HMCN2: variants seen among roughly 807,000 people sequenced by gnomAD.
HMCN2 encodes the protein hemicentin 2.
In HMCN2, 325 loss-of-function variants were observed where a neutral mutation model predicts 377.5. The observed-to-expected ratio is 0.86, with a 90% CI of 0.79 to 0.94. The LOEUF (loss-of-function observed/expected upper bound fraction) is 0.94. Among genes scored for constraint, HMCN2 ranks in the 40% least tolerant of loss-of-function variants. The pLI is 0.00. For missense variants in HMCN2, 4,543 were observed against 4,725.3 expected (o/e 0.96, Z 1.13); for synonymous variants, 2,007 against 2,046.8 (o/e 0.98, Z 0.53).
Position 130,394,293 on chromosome 9 carries a change from C to T in HMCN2, c.10502-92C>T, listed in dbSNP as rs1241978017. 1.2e-6 allele frequency: 1 copy of T among 835,370 alleles called. No homozygotes were observed. Among genetic ancestry groups the T allele is most frequent in the African/African-American group, 1.8e-5 (1 of 56,120 alleles). 51.7% of individuals were successfully genotyped at this position (835,370 alleles called of 1,614,324 possible). A position where few individuals can be genotyped will look rare whatever the true frequency, so the allele number is the denominator to read the frequency against. ...AACAAGGGCCACCAAAATGTGGGAG[C>T]AGAGCCCCTGGACTCAGCACAGTGT... On this transcript the variant is annotated intron_variant, in intron 68 of 97. Transcript: ENST00000683500. The surrounding 1 kb of genome is among the most constrained non-coding windows in gnomAD (Gnocchi z 5.1).
chr9:130,281,829 G>T (rs1835138479), intron 1 of HMCN2, among the ~76,000 whole-genome samples: 1 of 149,456 alleles, frequency 6.7e-6, no homozygotes. Flanking sequence ...GGCGGAGGCT[G>T]CAGTGAGCCG....
intron 1 of HMCN2, among the ~76,000 whole-genome samples, chr9:130,278,369 C>A (rs1264123299): frequency 1.3e-5 from 2 of 152,054 alleles, no homozygotes; most frequent in Non-Finnish European, 2.9e-5. Context: ...CGTGATCCGC[C>A]CGTCTCGGCC....
At chr9:130,350,308 G>A (rs1051212112) in intron 29 of HMCN2, among the ~76,000 whole-genome samples, 26 of 148,336 alleles carry the variant, frequency 1.8e-4, no homozygotes, top group African/African-American at 4.9e-4. Context: ...AGGCCAAGGC[G>A]GCCAGATCAC....
At chr9:130,267,052 C>T (rs1834144773) in intron 1 of HMCN2, among the ~76,000 whole-genome samples, 2 of 151,932 alleles carry the variant, frequency 1.3e-5, no homozygotes, top group South Asian at 2.1e-4. Flanking sequence ...CTCAGGTGAC[C>T]CTCCTGCTTC....
chr9:130,371,185 T>C, intron 46 of HMCN2, 54 bp downstream of exon 46: 1 of 953,030 alleles, frequency 1.0e-6, no homozygotes, highest in Non-Finnish European at 1.2e-6. Context: ...TCTCTGCCTC[T>C]GACTCTATCC....
At chr9:130,287,332 C>T (rs1191823974) in intron 4 of HMCN2, among the ~76,000 whole-genome samples, 1 of 152,108 alleles carries the variant, frequency 6.6e-6, no homozygotes, top group Admixed American at 6.5e-5. Flanking sequence ...CCTCCCCGCC[C>T]GGGGCCTTTG....
At chr9:130,287,319 G>A (rs1427577562) in intron 4 of HMCN2, among the ~76,000 whole-genome samples, 3 of 151,944 alleles carry the variant, frequency 2.0e-5, no homozygotes, top group South Asian at 2.1e-4. Context: ...AATGTCCTAC[G>A]CTCCTCCCCG....
rs184906189 is a variant in HMCN2, at chr9:130,371,761, A to T, written c.7238-533A>T. Among the ~76,000 whole-genome samples the T allele has an allele frequency of 5.3e-5, 8 of 152,312 alleles. No homozygotes were observed. In the East Asian group the frequency reaches 1.5e-3, roughly 29 times the overall value. On this transcript the variant is annotated intron_variant, in intron 46 of 97. Coordinates refer to ENST00000683500, the MANE Select transcript of HMCN2 (RefSeq NM_001291815.2). ...CTGTGGATAGGAATTCAGAGACTGC[A>T]TTGGGCCCAGTGGAAAGGAATGTGG...
intron 25 of HMCN2, among the ~76,000 whole-genome samples, chr9:130,344,165 T>A (rs982496136): frequency 6.6e-6 from 1 of 152,292 alleles, no homozygotes; most frequent in Admixed American, 6.5e-5. Flanking sequence ...CCTCCCGACC[T>A]GCAGCTCGGA....
In HMCN2 at chr9:130,348,572, G is replaced by T; in HGVS notation, c.4052G>T (p.Arg1351Leu). The T allele has an allele frequency of 1.5e-6, 2 of 1,304,250 alleles. No individual in the cohort carries two copies. Among genetic ancestry groups the T allele is most frequent in the Non-Finnish European group, 2.0e-6 (2 of 988,936 alleles). 80.8% of individuals were successfully genotyped at this position (1,304,250 alleles called of 1,614,324 possible). A position where few individuals can be genotyped will look rare whatever the true frequency, so the allele number is the denominator to read the frequency against. ...CCCCCCAGCATCCGGGAGGACGGGC[G>T]CAAGGCCAACGTGTCGGGTATGGCC... is the stretch of plus-strand genomic sequence containing the variant. ...YVPPSIREDG[R>L]KANVSGMAGQ... The change falls in exon 27 of 98, where the codon CGC becomes CTC. Residue 1351 changes from arginine (R) to leucine (L), a missense_variant. Around this residue, in one of 5 missense-constraint regions of HMCN2, gnomAD observed 547 missense variants for 189.9 expected, o/e 2.88. Coordinates refer to ENST00000683500, the MANE Select transcript of HMCN2 (RefSeq NM_001291815.2).
chr9:130,276,741 C>T (rs1290595758), intron 1 of HMCN2, among the ~76,000 whole-genome samples: 2 of 152,214 alleles, frequency 1.3e-5, no homozygotes, highest in Admixed American at 6.5e-5. Flanking sequence ...TTTGCCCAGA[C>T]GGGCTCAGGG....
In HMCN2 at chr9:130,393,645, C is replaced by T. The variant is rs1285457498; in HGVS notation, c.10235-97C>T. On this transcript the variant is annotated intron_variant, in intron 67 of 97. Transcript: ENST00000683500. The surrounding 1 kb of genome is among the most constrained non-coding windows in gnomAD (Gnocchi z 5.2). ...GGCACCTCACCTGGCCTTGGGGGAC[C>T]AGGGCGGCTTCCTGGAAGAGGTGAT... 4 of 1,130,226 alleles carry T rather than the reference C, an allele frequency of 3.5e-6. No homozygotes were observed. Among genetic ancestry groups the T allele is most frequent in the Non-Finnish European group, 4.5e-6 (4 of 894,734 alleles). 70.0% of individuals were successfully genotyped at this position (1,130,226 alleles called of 1,614,324 possible). A position where few individuals can be genotyped will look rare whatever the true frequency, so the allele number is the denominator to read the frequency against.
intron 86 of HMCN2, 97 bp downstream of exon 86, chr9:130,419,138 G>A (rs1413417053): frequency 1.6e-5 from 20 of 1,217,270 alleles, no homozygotes; most frequent in Non-Finnish European, 1.9e-5. Flanking sequence ...CCCCTGCCTT[G>A]CCAGCTCCCC....
chr9:130,411,739 T>G (rs1388419469), intron 85 of HMCN2, among the ~76,000 whole-genome samples: 1 of 151,996 alleles, frequency 6.6e-6, no homozygotes, highest in African/African-American at 2.4e-5. Context: ...TCTGTTTATA[T>G]GAGGGGCCTA....
At position 130,396,041 on chromosome 9, in the gene HMCN2, G is replaced by A. The variant is rs1842591120; in HGVS notation, c.11029G>A (p.Val3677Ile). 1.6e-6 allele frequency: 2 copies of A among 1,286,154 alleles called. No homozygotes were observed. Among genetic ancestry groups the A allele is most frequent in the Non-Finnish European group, 2.0e-6 (2 of 987,948 alleles). The allele number at this position is 1,286,154 out of a possible 1,614,324, so 79.7% of individuals were successfully genotyped here. ...TARNAAGSTS[V>I]AFRVEIHTVP... ...CCGCAACGCCGCAGGCAGCACTAGT[G>A]TCGCCTTCCGCGTGGAGATCCACAG... is the stretch of plus-strand genomic sequence containing the variant. The change falls in exon 72 of 98, where the codon GTC (valine) becomes ATC (isoleucine). Residue 3677 changes from valine (V) to isoleucine (I), a missense_variant. Val to Ile is a conservative substitution (Grantham distance 29). This residue lies in a region of HMCN2 where 1,073 missense variants were observed against 1,319.5 expected (regional missense o/e 0.81). Transcript: ENST00000683500.
intron 31 of HMCN2, among the ~76,000 whole-genome samples, chr9:130,353,497 A>G (rs1188274351): frequency 6.6e-6 from 1 of 152,200 alleles, no homozygotes; most frequent in Non-Finnish European, 1.5e-5. Flanking sequence ...TCACTAAACC[A>G]TGCCCAGAAC....
chr9:130,433,490 G>A lies in HMCN2; in HGVS notation c.15037G>A (p.Ala5013Thr), dbSNP rs1588459134. 5 of 1,499,010 alleles carry A rather than the reference G, an allele frequency of 3.3e-6. No homozygotes were observed. Among genetic ancestry groups the A allele is most frequent in the African/African-American group, 1.5e-5 (1 of 68,682 alleles). 92.9% of individuals were successfully genotyped at this position (1,499,010 alleles called of 1,614,324 possible). ...CGCCTTCTCCGAGGTCGGCGTCCCC[G>A]CCAACCGCACCGAGCTCAGCATGCT... Reference protein sequence around the residue: ...LTAFSEVGVPANRTELSMLEP... With the variant: ...LTAFSEVGVPTNRTELSMLEP... The change falls in exon 98 of 98, where the codon GCC becomes ACC. Residue 5013 changes from alanine (A) to threonine (T), a missense_variant. Coordinates refer to ENST00000683500, the MANE Select transcript of HMCN2 (RefSeq NM_001291815.2).
chr9:130,351,415 C>A lies in HMCN2; in HGVS notation c.4431-8C>A. ...TTACTGGCGCTTTTCCCTTGCCCGT[C>A]TCTCCAGGCCTGTCCTTCCGGGAGG... On this transcript the variant is annotated splice_polypyrimidine_tract_variant and splice_region_variant and intron_variant, in intron 29 of 97. Coordinates refer to ENST00000683500, the MANE Select transcript of HMCN2 (RefSeq NM_001291815.2). The surrounding 1 kb of genome is among the most constrained non-coding windows in gnomAD (Gnocchi z 5.4). The A allele has an allele frequency of 7.7e-7, 1 of 1,295,918 alleles. No homozygotes were observed. The highest frequency in any genetic ancestry group is 1.0e-6 in the Non-Finnish European group (1 of 983,044). 80.3% of individuals were successfully genotyped at this position (1,295,918 alleles called of 1,614,324 possible).
At chr9:130,368,215 G>A (rs1840800484) in intron 43 of HMCN2, 61 bp from the exon 44 acceptor site, 1 of 960,478 alleles carries the variant, frequency 1.0e-6, no homozygotes, top group Non-Finnish European at 1.2e-6. Flanking sequence ...CTTTCCATGT[G>A]GAAAGACATC....
Sources: gnomAD v4.1 joint callset for allele counts (sites outside exome capture counted in the v4.1 genomes callset) on GRCh38, gnomAD v4.1.1 for gene constraint, gnomAD v4.1.1 regional missense constraint, Gnocchi (gnomAD v3.1) non-coding constraint, MANE v1.5 for transcripts, NCBI Gene and HGNC (gene_info 2026-07-23, HGNC 2026-07-21) for gene names.